The following EIF3CL variants were observed in gnomAD, a reference collection of about 807,000 sequenced individuals.
The protein encoded by EIF3CL is eukaryotic translation initiation factor 3 subunit C like.
For missense variants in EIF3CL, 5 were observed against 56.1 expected, an observed-to-expected ratio of 0.09 and a Z score of 2.91; for synonymous variants, 2 against 19.6, an observed-to-expected ratio of 0.10 and a Z score of 2.37.
At chr16:28,416,994 C>G in the EIF3CL span, among the ~76,000 whole-genome samples, 2 of 98,746 alleles carry the variant, frequency 2.0e-5, no homozygotes, top group African/African-American at 7.4e-5. Context: ...CGGCCAGCCG[C>G]CCCGTCCGGG....
the EIF3CL span, among the ~76,000 whole-genome samples, chr16:28,416,458 C>G: frequency 1.0e-4 from 2 of 19,358 alleles, no homozygotes; most frequent in African/African-American, 2.1e-4. Flanking sequence ...TCTGCCCGGC[C>G]GCCCATCGTC....
At chr16:28,422,584 G>A in the EIF3CL span, among the ~76,000 whole-genome samples, 37 of 141,076 alleles carry the variant, frequency 2.6e-4, no homozygotes, top group East Asian at 1.4e-3. Flanking sequence ...TGTAATACCC[G>A]CAATCTGGGA....
the EIF3CL span, chr16:28,414,420 T>C: frequency 3.1e-6 from 1 of 322,630 alleles, no homozygotes; most frequent in Non-Finnish European, 5.9e-6. Context: ...AAGACGGCTT[T>C]AGCAGGAGCA....
the EIF3CL span, among the ~76,000 whole-genome samples, chr16:28,415,844 C>A: frequency 9.0e-6 from 1 of 111,442 alleles, no homozygotes; most frequent in Non-Finnish European, 1.9e-5. Context: ...CCCTCTCCCT[C>A]TCCCTCTCCG....
the EIF3CL span, among the ~76,000 whole-genome samples, chr16:28,417,896 A>G: frequency 1.5e-5 from 2 of 132,342 alleles, no homozygotes; most frequent in South Asian, 4.8e-4. Flanking sequence ...AAAAAAAATT[A>G]GCCAGGCGTG....
At chr16:28,386,239 A>G (rs1647220164) in intron 15 of EIF3CL, among the ~76,000 whole-genome samples, 1 of 74,000 alleles carries the variant, frequency 1.4e-5, no homozygotes, top group Non-Finnish European at 3.0e-5. Context: ...AAAAATTCTG[A>G]CACAGGACTA....
the EIF3CL span, among the ~76,000 whole-genome samples, chr16:28,418,008 G>T: frequency 2.1e-5 from 3 of 143,512 alleles, no homozygotes; most frequent in African/African-American, 5.1e-5. Flanking sequence ...ACCCCATTGC[G>T]CTCTAGACTG....
chr16:28,384,992 GGT>G lies in EIF3CL; in HGVS notation c.1822-1513_1822-1512del, dbSNP rs1367982027. Among the ~76,000 whole-genome samples the G allele has an allele frequency of 3.0e-4, 23 of 75,806 alleles. 5 individuals are homozygous for G. The highest frequency in any genetic ancestry group is 5.9e-4 in the Non-Finnish European group (21 of 35,538). The allele number at this position is 75,806 out of a possible 152,430, so 49.7% of individuals were successfully genotyped here. On this transcript the variant is annotated intron_variant, in intron 15 of 20. Transcript: ENST00000380876. ...AAATGTAATGAACTCGGCTGGGCGT[GGT>G]GGCTCATGCCTGTAATCCCAGCACT...
chr16:28,416,818 C>A, the EIF3CL span, among the ~76,000 whole-genome samples: 1 of 85,352 alleles, frequency 1.2e-5, no homozygotes, highest in African/African-American at 4.2e-5. Context: ...CGCCTCTGCC[C>A]GGCCGCCCCT....
the EIF3CL span, among the ~76,000 whole-genome samples, chr16:28,417,824 A>AT: frequency 1.4e-5 from 2 of 143,520 alleles, no homozygotes; most frequent in Non-Finnish European, 1.5e-5. Context: ...AAAAAAATAA[A>AT]TTTAAAAAAA....
At chr16:28,417,815 A>C in the EIF3CL span, among the ~76,000 whole-genome samples, 21 of 146,956 alleles carry the variant, frequency 1.4e-4, no homozygotes, top group Admixed American at 1.4e-3. Flanking sequence ...ATTATCAATA[A>C]AAAAATAAAT....
At chr16:28,416,614 CA>C in the EIF3CL span, among the ~76,000 whole-genome samples, 5 of 58,686 alleles carry the variant, frequency 8.5e-5, no homozygotes, top group African/African-American at 1.3e-4. Context: ...GCCTGGCAAC[CA>C]CCCCGTCTGA....
the EIF3CL span, chr16:28,414,368 C>T: frequency 1.9e-5 from 6 of 315,052 alleles, 1 homozygote; most frequent in East Asian, 3.7e-4. Context: ...TGCACACCAG[C>T]CTGGGCGACA....
intron 8 of EIF3CL, among the ~76,000 whole-genome samples, chr16:28,392,780 TTC>T (rs2045642241): frequency 6.8e-6 from 1 of 147,938 alleles, no homozygotes; most frequent in Non-Finnish European, 1.5e-5. Flanking sequence ...AAACATTTTT[TTC>T]TTTTTTACTA....
the EIF3CL span, chr16:28,415,060 G>A: frequency 1.1e-5 from 4 of 369,078 alleles, no homozygotes; most frequent in South Asian, 3.5e-5. Flanking sequence ...AAGCCCCTAG[G>A]CGCCCCTTTT....
the EIF3CL span, among the ~76,000 whole-genome samples, chr16:28,416,947 C>T: frequency 2.9e-4 from 28 of 97,090 alleles, no homozygotes; most frequent in African/African-American, 9.6e-4. Context: ...CGCCTCTGCC[C>T]GGCCGCCCCT....
intron 15 of EIF3CL, among the ~76,000 whole-genome samples, chr16:28,387,481 A>G (rs1485632118): frequency 6.7e-6 from 1 of 150,344 alleles, no homozygotes; most frequent in African/African-American, 2.4e-5. Flanking sequence ...ACTCCCAAAC[A>G]CTAGCAGGAG....
chr16:28,386,433 GAGATACCATT>G (rs1292509817), intron 15 of EIF3CL, among the ~76,000 whole-genome samples: 1 of 27,988 alleles, frequency 3.6e-5, no homozygotes, highest in African/African-American at 1.5e-4. Flanking sequence ...ACACCACAAT[GAGATACCATT>G]AGACAACCAA....
the EIF3CL span, among the ~76,000 whole-genome samples, chr16:28,421,911 C>T: frequency 3.1e-5 from 3 of 95,288 alleles, no homozygotes; most frequent in African/African-American, 1.1e-4. Context: ...AGATGTGTCT[C>T]AATTTCACTG....
Sources: allele counts gnomAD v4.1 joint callset (sites outside exome capture counted in the v4.1 genomes callset), GRCh38; gene constraint gnomAD v4.1.1; transcripts MANE v1.5; gene names NCBI Gene and HGNC (gene_info 2026-07-23, HGNC 2026-07-21).